NAGA: variants seen among roughly 807,000 people sequenced by gnomAD.
NAGA encodes Acetylgalactosaminidase, alpha-N- (alpha-galactosidase B).
A neutral mutation model predicts 45.6 loss-of-function variants in NAGA; 42 were observed. The observed-to-expected ratio is 0.92, with a 90% CI of 0.72 to 1.19. The LOEUF (loss-of-function observed/expected upper bound fraction) is 1.19, where lower values mean the gene tolerates loss of function less well. NAGA is among the 50% of genes most tolerant of loss of function. The pLI, the probability that NAGA is intolerant of heterozygous loss-of-function variation, is 0.00. For missense variants in NAGA, 493 were observed against 544.8 expected (o/e 0.90, Z 0.95); for synonymous variants, 176 against 203.1 (o/e 0.87, Z 1.13).
intron 4 of NAGA, 128 bp downstream of exon 4, chr22:42,066,985 C>T: frequency 6.7e-7 from 1 of 1,481,934 alleles, no homozygotes; most frequent in Non-Finnish European, 9.4e-7. Context: ...TTTAGGGAGC[C>T]TGGGAGCCAC....
At chr22:42,061,936 A>G (rs1894267) in intron 7 of NAGA, among the ~76,000 whole-genome samples, 1 of 116,044 alleles carries the variant, frequency 8.6e-6, no homozygotes, top group East Asian at 2.9e-4. Flanking sequence ...TGGGCTACAG[A>G]GTGAGACTCC....
rs1240950588 is a variant in NAGA, at chr22:42,060,857, C to A, written c.1101+67G>T. ...GGGGAGGCCATATGTGAACAACCAC[C>A]CCCCATAATACCCTCCCACAGAAAT... On this transcript the variant is annotated intron_variant, in intron 8 of 8. Transcript: ENST00000396398. 1.1e-5 allele frequency: 18 copies of A among 1,606,716 alleles called. No individual in the cohort carries two copies. In the East Asian group the frequency reaches 2.7e-4, roughly 24 times the overall value.
rs571521000 is a variant in NAGA, at chr22:42,060,518, G to A, written c.1102-105C>T. ...CTTCTGCCTGGACTTTGGCCTGTCT[G>A]TGCTGGGCTTCCAGTATGCCCTACA... On this transcript the variant is annotated intron_variant, in intron 8 of 8. Coordinates refer to ENST00000396398, the MANE Select transcript of NAGA (RefSeq NM_000262.3). 3 of 1,509,464 alleles carry A rather than the reference G, an allele frequency of 2.0e-6. No homozygotes were observed. In the African/African-American group the frequency reaches 4.1e-5, roughly 21 times the overall value. The allele number at this position is 1,509,464 out of a possible 1,614,324, so 93.5% of individuals were successfully genotyped here. A position where few individuals can be genotyped will look rare whatever the true frequency, so the allele number is the denominator to read the frequency against.
At chr22:42,065,626 CG>C in intron 6 of NAGA, 111 bp downstream of exon 6, 1 of 1,422,472 alleles carries the variant, frequency 7.0e-7, no homozygotes, top group Non-Finnish European at 9.7e-7. Flanking sequence ...ATTTCAGAAG[CG>C]CTGACCTAGA....
intron 6 of NAGA, among the ~76,000 whole-genome samples, chr22:42,063,279 C>A (rs1016348588): frequency 1.3e-5 from 2 of 152,000 alleles, no homozygotes; most frequent in African/African-American, 4.8e-5. Flanking sequence ...GGGCAGATGG[C>A]CAGGTGCGGC....
At chr22:42,067,538 G>T (rs1404786024) in intron 3 of NAGA, among the ~76,000 whole-genome samples, 2 of 152,142 alleles carry the variant, frequency 1.3e-5, no homozygotes, top group Admixed American at 6.5e-5. Context: ...ATCTCTCTGG[G>T]CTCAGCTCAA....
rs9620015 is a variant in NAGA at position 42,060,469 on chromosome 22, C to G, written c.1102-56G>C. 4.3e-3 allele frequency: 6,876 copies of G among 1,607,892 alleles called. 257 individuals are homozygous for G. In the African/African-American group the frequency reaches 0.082, roughly 19 times the overall value. Reference sequence around the variant, plus strand: ...CCATGAGAGTGGCGGCACAGAGACCCCCCCCGCTAGAGGATGTAGAAGCCT... The same window carrying G: ...CCATGAGAGTGGCGGCACAGAGACCGCCCCCGCTAGAGGATGTAGAAGCCT... On this transcript the variant is annotated intron_variant, in intron 8 of 8. Transcript: ENST00000396398.
At chr22:42,069,766 G>C (rs1361338405) in intron 1 of NAGA, among the ~76,000 whole-genome samples, 2 of 152,206 alleles carry the variant, frequency 1.3e-5, no homozygotes, top group Non-Finnish European at 2.9e-5. Context: ...TACGTACTGT[G>C]GTTTCTACTG....
In NAGA at chr22:42,059,937, C is replaced by G. The variant is rs1040545494; in HGVS notation, c.*342G>C. 2.8e-6 allele frequency: 1 copy of G among 352,900 alleles called. No homozygotes were observed. The highest frequency in any genetic ancestry group is 6.7e-5 in the East Asian group (1 of 14,848). 21.9% of individuals were successfully genotyped at this position (352,900 alleles called of 1,614,324 possible). A position where few individuals can be genotyped will look rare whatever the true frequency, so the allele number is the denominator to read the frequency against. On this transcript the variant is annotated 3_prime_UTR_variant, in exon 9 of 9. Coordinates refer to ENST00000396398, the MANE Select transcript of NAGA (RefSeq NM_000262.3). ...CTCTCTACTCCTAATTCGAAAACTT[C>G]CAAATCCTGATTTCAGAGTCAACAG...
intron 3 of NAGA, 50 bp from the exon 4 acceptor site, chr22:42,067,340 C>G (rs748998745): frequency 6.2e-7 from 1 of 1,606,030 alleles, no homozygotes; most frequent in Non-Finnish European, 8.5e-7. Context: ...CTCAAGGAGC[C>G]TCCTCAAGGC....
At chr22:42,067,960 G>C (rs1301259547) in intron 2 of NAGA, 24 bp from the exon 3 acceptor site, 4 of 1,611,578 alleles carry the variant, frequency 2.5e-6, no homozygotes, top group Non-Finnish European at 3.4e-6. Context: ...GAGGGATGGG[G>C]TAGCTCAGGG....
chr22:42,070,195 A>G, intron 1 of NAGA, 87 bp downstream of exon 1: 1 of 1,442,338 alleles, frequency 6.9e-7, no homozygotes, highest in Non-Finnish European at 9.8e-7. Flanking sequence ...CTGTCTCTCC[A>G]CATACCCACA....
At position 42,065,916 on chromosome 22, in the gene NAGA, A is replaced by T; in HGVS notation, c.598-17T>A. 3.1e-6 allele frequency: 5 copies of T among 1,613,318 alleles called. No homozygotes were observed. The highest frequency in any genetic ancestry group is 4.2e-6 in the Non-Finnish European group (5 of 1,179,568). ...GTAGTTCACCTGGATGTCGAGGGGA[A>T]GGCAGAGTCCAGCACCAGAATCACA... On this transcript the variant is annotated splice_polypyrimidine_tract_variant and intron_variant, in intron 5 of 8. Coordinates refer to ENST00000396398, the MANE Select transcript of NAGA (RefSeq NM_000262.3).
At chr22:42,060,448 G>A (rs1318064533) in intron 8 of NAGA, 35 bp from the exon 9 acceptor site, 2 of 1,610,820 alleles carry the variant, frequency 1.2e-6, no homozygotes, top group Non-Finnish European at 8.5e-7. Flanking sequence ...ATGCCACCAT[G>A]AGAGTGGCGG....
intron 1 of NAGA, among the ~76,000 whole-genome samples, chr22:42,069,992 T>C (rs1223941412): frequency 6.6e-6 from 1 of 152,206 alleles, no homozygotes; most frequent in African/African-American, 2.4e-5. Context: ...CTCAGTTTCC[T>C]TATCTGTAAT....
chr22:42,060,887 AG>A, intron 8 of NAGA, 36 bp downstream of exon 8: 1 of 1,613,906 alleles, frequency 6.2e-7, no homozygotes, highest in Non-Finnish European at 8.5e-7. Flanking sequence ...AGAAATCTGA[AG>A]CCCAGGCGGG....
rs748590013 is a variant in NAGA, at chr22:42,067,906, C to A, written c.183G>T (p.Arg61=). ...TGTCCCGCCATCCATCCTGTGCCAT[C>A]CGGTCAGCCATCTCCATGAAGAGCT... The part of the protein sequence containing the change: ...SEQLFMEMAD[R]MAQDGWRDMG... Residue 61 remains arginine, a synonymous_variant, in exon 3 of 9, where the codon CGG becomes CGT. Transcript: ENST00000396398. 4 of 1,613,620 alleles carry A rather than the reference C, an allele frequency of 2.5e-6. No homozygotes were observed. The East Asian group carries it at 6.7e-5, about 27-fold the overall frequency.
chr22:42,069,010 A>G (rs1225403261), intron 1 of NAGA, among the ~76,000 whole-genome samples: 1 of 152,084 alleles, frequency 6.6e-6, no homozygotes, highest in East Asian at 1.9e-4. Context: ...TGTAATCCCA[A>G]CGCTCTGGAA....
chr22:42,068,336 G>A lies in NAGA; in HGVS notation c.152+103C>T, dbSNP rs1213170946. The A allele has an allele frequency of 3.8e-6, 6 of 1,570,174 alleles. No individual in the cohort carries two copies. The East Asian group carries it at 1.3e-4, about 35-fold the overall frequency. On this transcript the variant is annotated intron_variant, in intron 2 of 8. Coordinates refer to ENST00000396398, the MANE Select transcript of NAGA (RefSeq NM_000262.3). ...TTCTGGCTGCAGTCTCTGGGATGGA[G>A]AACTCTGACCTTGCCCTCTTTTCTA... is the stretch of plus-strand genomic sequence containing the variant.
Sources: gnomAD v4.1 joint callset for allele counts (sites outside exome capture counted in the v4.1 genomes callset) on GRCh38, gnomAD v4.1.1 for gene constraint, MANE v1.5 for transcripts, NCBI Gene and HGNC (gene_info 2026-07-23, HGNC 2026-07-21) for gene names.